AASDH: variants seen among roughly 807,000 people sequenced by gnomAD.
AASDH encodes the protein beta-alanine-activating enzyme.
Under a neutral mutation model 102.3 loss-of-function variants are expected in AASDH, and 81 were observed. That is an observed-to-expected ratio of 0.79 (90% CI 0.66 to 0.95). The LOEUF is 0.95. Ranked by LOEUF, AASDH falls within the 40% of genes least tolerant of loss-of-function variation. The probability of loss-of-function intolerance (pLI) is 0.00; values close to 1 mark genes in which losing one functional copy is unlikely to be tolerated. For synonymous variants in AASDH, 398 were observed against 454.0 expected (o/e 0.88, Z 1.57); for missense variants, 1,203 against 1,266.2 (o/e 0.95, Z 0.76).
intron 5 of AASDH, among the ~76,000 whole-genome samples, chr4:56,361,991 G>C (rs1283844971): frequency 6.6e-6 from 1 of 152,028 alleles, no homozygotes; most frequent in African/African-American, 2.4e-5. Flanking sequence ...AAGTTTTAAA[G>C]GGCATCAAGT....
Position 56,349,553 on chromosome 4 carries a change from T to C in AASDH, c.2198A>G (p.Asp733Gly). Residue 733 changes from aspartate (D) to glycine (G), a missense_variant, in exon 11 of 15, where the codon GAT becomes GGT. Asp to Gly is a moderately conservative substitution (Grantham distance 94). Coordinates refer to ENST00000205214, the MANE Select transcript of AASDH (RefSeq NM_181806.4). ...NSPVLIGKSK[D>G]PSCVAKVSEE... ...AGAAACTTTTGCAACACAGGATGGA[T>C]CTTTTGACTTCCCAATAAGAACTGG... The C allele has an allele frequency of 1.9e-6, 3 of 1,614,230 alleles. No individual in the cohort carries two copies. Among genetic ancestry groups the C allele is most frequent in the African/African-American group, 1.3e-5 (1 of 75,060 alleles).
Position 56,338,558 on chromosome 4 carries a change from C to T in AASDH, c.3141G>A (p.Val1047=), listed in dbSNP as rs1747161715. The T allele has an allele frequency of 1.2e-6, 2 of 1,614,052 alleles. No individual in the cohort carries two copies. Among genetic ancestry groups the T allele is most frequent in the East Asian group, 2.2e-5 (1 of 44,880 alleles). The change falls in exon 15 of 15, where the codon GTG becomes GTA. Residue 1047 remains valine (V), a synonymous_variant. Transcript: ENST00000205214. The stretch of plus-strand genomic sequence containing the variant: ...GTCCACTCTGAGATTCCAAGATCCA[C>T]ACTTTCCCATCAGTAGATGCTGCTG... The part of the protein sequence containing the change: ...LLAAASTDGK[V]WILESQSGQL...
At chr4:56,350,794 C>G (rs1748907375) in intron 10 of AASDH, among the ~76,000 whole-genome samples, 1 of 152,028 alleles carries the variant, frequency 6.6e-6, no homozygotes, top group African/African-American at 2.4e-5. Context: ...ATCTTAGATA[C>G]CCTCTATTTT....
At chr4:56,347,814 A>G (rs1748493466) in intron 11 of AASDH, among the ~76,000 whole-genome samples, 1 of 152,106 alleles carries the variant, frequency 6.6e-6, no homozygotes, top group South Asian at 2.1e-4. Context: ...CAGTTATCTC[A>G]TTTAATCCTC....
rs565993146 is a variant in AASDH at position 56,359,299 on chromosome 4, C to T, written c.862-3876G>A. ...TGTTGCCCAGGCTGAAGTGCAGTGG[C>T]GCAATCTCGGCTCACCACAACATCC... On this transcript the variant is annotated intron_variant, in intron 5 of 14. Transcript: ENST00000205214. 3.3e-5 allele frequency among the ~76,000 whole-genome samples: 5 copies of T among 151,590 alleles called. No individual in the cohort carries two copies. In the East Asian group the frequency reaches 7.8e-4, roughly 24 times the overall value.
Position 56,349,934 on chromosome 4 carries a change from G to C in AASDH, c.1817C>G (p.Ser606Ter). The C allele has an allele frequency of 6.2e-7, 1 of 1,614,010 alleles. No homozygotes were observed. Among genetic ancestry groups the C allele is most frequent in the Non-Finnish European group, 8.5e-7 (1 of 1,180,036 alleles). The change falls in exon 11 of 15, where the codon TCA becomes TGA. Residue 606 changes from serine to a stop codon, truncating the protein, a stop_gained. Coordinates refer to ENST00000205214, the MANE Select transcript of AASDH (RefSeq NM_181806.4). LOFTEE classifies it high-confidence loss of function. ...LSEIEKLVGTSVPGLLEIILS... is the reference protein window; with the variant it reads ...LSEIEKLVGT The stretch of plus-strand genomic sequence containing the variant: ...AATAATTTCCAGAAGCCCAGGTACT[G>C]ATGTACCAACAAGTTTTTCAATCTC...
intron 5 of AASDH, among the ~76,000 whole-genome samples, chr4:56,363,950 T>A (rs1750662097): frequency 6.6e-6 from 1 of 151,978 alleles, no homozygotes; most frequent in African/African-American, 2.4e-5. Flanking sequence ...TTCGAACCAA[T>A]GGCAAAGAAG....
At chr4:56,375,851 A>G (rs920933356) in intron 4 of AASDH, among the ~76,000 whole-genome samples, 1 of 152,124 alleles carries the variant, frequency 6.6e-6, no homozygotes, top group African/African-American at 2.4e-5. Context: ...CTATCAAAAA[A>G]AGAGGTATTC....
Position 56,378,202 on chromosome 4 carries a change from G to C in AASDH, c.614C>G (p.Pro205Arg), listed in dbSNP as rs773988946. The change falls in exon 4 of 15, where the codon CCG (proline) becomes CGG (arginine). Residue 205 changes from proline (P) to arginine (R), a missense_variant. By Grantham distance (103) the Pro-to-Arg change is moderately radical. Coordinates refer to ENST00000205214, the MANE Select transcript of AASDH (RefSeq NM_181806.4). ...CTTATGAGGCACTCTGACAATCTTC[G>C]GTATCCCTGTAGTCCCTGATGTATG... The part of the protein sequence containing the change: ...VLHTSGTTGI[P>R]KIVRVPHKCI... The C allele has an allele frequency of 2.5e-6, 4 of 1,613,378 alleles. No homozygotes were observed. Among genetic ancestry groups the C allele is most frequent in the South Asian group, 1.1e-5 (1 of 90,840 alleles).
Position 56,354,058 on chromosome 4 carries a change from T to A in AASDH, c.1364A>T (p.Asn455Ile), listed in dbSNP as rs1426521786. Residue 455 changes from asparagine to isoleucine, a missense_variant, in exon 8 of 15, where the codon AAC becomes ATC. By Grantham distance (149) the Asn-to-Ile change is moderately radical. Transcript: ENST00000205214. ...TTCTACCTGTTGCACAAGTTCAATG[T>A]TAAGACGTTTGCCATGACGTTTGAT... is the stretch of plus-strand genomic sequence containing the variant. ...SQIKRHGKRL[N>I]IELVQQVAEE... 2 of 1,611,750 alleles carry A rather than the reference T, an allele frequency of 1.2e-6. No individual in the cohort carries two copies. Among genetic ancestry groups the A allele is most frequent in the Non-Finnish European group, 1.7e-6 (2 of 1,178,786 alleles).
At chr4:56,357,079 A>G (rs545871098) in intron 5 of AASDH, 1 of 291,534 alleles carries the variant, frequency 3.4e-6, no homozygotes, top group Non-Finnish European at 6.5e-6. Context: ...AACTATTTTA[A>G]GTATACAATT....
Position 56,345,155 on chromosome 4 carries a change from T to C in AASDH, c.2624A>G (p.Asp875Gly). The C allele has an allele frequency of 6.2e-7, 1 of 1,614,118 alleles. No homozygotes were observed. Among genetic ancestry groups the C allele is most frequent in the Non-Finnish European group, 8.5e-7 (1 of 1,180,014 alleles). The change falls in exon 12 of 15, where the codon GAC (aspartate) becomes GGC (glycine). Residue 875 changes from aspartate (D) to glycine (G), a missense_variant. Coordinates refer to ENST00000205214, the MANE Select transcript of AASDH (RefSeq NM_181806.4). ...AATATCTAAAGCATATGCGTGCTGG[T>C]CATGAGATCCAATGTAAATGAGTCC... ...TTGLIYIGSH[D>G]QHAYALDIYR...
At chr4:56,348,955 TG>T (rs762412964) in intron 11 of AASDH, 36 of 380,712 alleles carry the variant, frequency 9.5e-5, no homozygotes, top group Non-Finnish European at 1.6e-4. Flanking sequence ...TGTTGAGTTT[TG>T]GGGTATTTGT....
intron 2 of AASDH, 149 bp downstream of exon 2, chr4:56,383,921 G>A (rs1167885656): frequency 3.9e-6 from 2 of 511,606 alleles, no homozygotes. Flanking sequence ...ATAATACTGG[G>A]GAAATGCAAA....
chr4:56,367,749 T>A (rs1255155626), intron 5 of AASDH, among the ~76,000 whole-genome samples: 2 of 150,484 alleles, frequency 1.3e-5, no homozygotes, highest in Admixed American at 1.3e-4. Context: ...ATGTTAGACC[T>A]AAAACCATAA....
intron 14 of AASDH, among the ~76,000 whole-genome samples, chr4:56,341,952 A>AAAT (rs1243897883): frequency 6.6e-6 from 1 of 151,750 alleles, no homozygotes; most frequent in Non-Finnish European, 1.5e-5. Flanking sequence ...TCTCTACTAA[A>AAAT]AATACAAAAA....
chr4:56,370,302 G>A (rs991318622), intron 5 of AASDH, among the ~76,000 whole-genome samples: 7 of 151,938 alleles, frequency 4.6e-5, no homozygotes, highest in African/African-American at 1.7e-4. Flanking sequence ...GGCAGAGTGA[G>A]CCAAGATCAC....
chr4:56,372,134 T>C (rs543147367), intron 4 of AASDH, among the ~76,000 whole-genome samples: 1 of 152,336 alleles, frequency 6.6e-6, no homozygotes, highest in South Asian at 2.1e-4. Context: ...GGAAGGCCTT[T>C]AGAAGAAGTT....
At chr4:56,343,146 GA>G (rs1381812614) in intron 13 of AASDH, among the ~76,000 whole-genome samples, 180 bp from the exon 14 acceptor site, 3 of 152,032 alleles carry the variant, frequency 2.0e-5, no homozygotes, top group African/African-American at 7.2e-5. Flanking sequence ...CTATTTATGA[GA>G]ACTAGGAAAA....
Sources: gnomAD v4.1 joint callset for allele counts (sites outside exome capture counted in the v4.1 genomes callset) on GRCh38, gnomAD v4.1.1 for gene constraint, MANE v1.5 for transcripts, NCBI Gene and HGNC (gene_info 2026-07-23, HGNC 2026-07-21) for gene names.